SLC35F4: variants seen among roughly 807,000 people sequenced by gnomAD.
The protein encoded by SLC35F4 is chromosome 14 open reading frame 36.
In SLC35F4, 24 loss-of-function variants were observed where a neutral mutation model predicts 44.2. The observed-to-expected ratio is 0.54, with a 90% confidence interval of 0.39 to 0.76. The LOEUF is 0.76. Among genes scored for constraint, SLC35F4 ranks in the 30% least tolerant of loss-of-function variants. The probability of loss-of-function intolerance (pLI) is 0.00; values close to 1 mark genes in which losing one functional copy is unlikely to be tolerated. For synonymous variants in SLC35F4, 238 were observed against 223.6 expected (o/e 1.06, Z -0.57); for missense variants, 562 against 586.1 (o/e 0.96, Z 0.42).
At chr14:57,581,846 G>C (rs4901789) in intron 3 of SLC35F4, among the ~76,000 whole-genome samples, 38,752 of 152,182 alleles carry the variant, frequency 0.25, 5,788 homozygotes, top group Middle Eastern at 0.35. Flanking sequence ...CTAGAACCCG[G>C]AGGGAAAGGG....
intron 1 of SLC35F4, among the ~76,000 whole-genome samples, chr14:57,804,223 C>G (rs1479058251): frequency 6.6e-6 from 1 of 152,094 alleles, no homozygotes; most frequent in African/African-American, 2.4e-5. Flanking sequence ...CAATGTTATT[C>G]CCATTAAACT....
chr14:57,865,687 C>G (rs1428586475), intron 1 of SLC35F4, 36 bp downstream of exon 1: 1 of 1,496,112 alleles, frequency 6.7e-7, no homozygotes, highest in African/African-American at 1.4e-5. Flanking sequence ...CACCTCCCTT[C>G]CCCGCCTCGC....
chr14:57,641,126 A>C (rs896957208), intron 1 of SLC35F4, among the ~76,000 whole-genome samples: 1 of 147,624 alleles, frequency 6.8e-6, no homozygotes, highest in African/African-American at 2.5e-5. Context: ...CTTAGAGAGA[A>C]AGCAAAGATA....
At chr14:57,592,392 T>C (rs185096062) in intron 2 of SLC35F4, among the ~76,000 whole-genome samples, 129 of 152,372 alleles carry the variant, frequency 8.5e-4, no homozygotes, top group African/African-American at 3.0e-3. Context: ...TCTTTTCTTC[T>C]CTTTGGTGCA....
chr14:57,735,796 T>C (rs1053830269), intron 1 of SLC35F4, among the ~76,000 whole-genome samples: 2 of 151,954 alleles, frequency 1.3e-5, no homozygotes, highest in Admixed American at 6.6e-5. Context: ...AATCATAGCT[T>C]ACTGCAACCT....
intron 1 of SLC35F4, among the ~76,000 whole-genome samples, chr14:57,725,743 G>A (rs1318434917): frequency 2.0e-5 from 3 of 152,178 alleles, no homozygotes; most frequent in African/African-American, 7.2e-5. Flanking sequence ...TTGCAGGGCT[G>A]GGGCAAAGTT....
chr14:57,964,548 A>G (rs1046448547), intron 1 of SLC35F4, among the ~76,000 whole-genome samples: 1 of 152,208 alleles, frequency 6.6e-6, no homozygotes, highest in African/African-American at 2.4e-5. Context: ...GGCAGTCAAG[A>G]GATTAAAATG....
chr14:57,849,936 G>C (rs1055316098), intron 1 of SLC35F4, among the ~76,000 whole-genome samples: 2 of 152,144 alleles, frequency 1.3e-5, no homozygotes, highest in African/African-American at 4.8e-5. Context: ...CTTGGTAAAG[G>C]ATACACTGGT....
chr14:57,883,027 G>A (rs1316829286), intron 1 of SLC35F4, among the ~76,000 whole-genome samples: 2 of 147,050 alleles, frequency 1.4e-5, no homozygotes, highest in African/African-American at 5.4e-5. Flanking sequence ...GGAGAGGAGG[G>A]GAGGGGAGAA....
At chr14:57,672,153 G>A (rs1195728020) in intron 1 of SLC35F4, among the ~76,000 whole-genome samples, 3 of 151,934 alleles carry the variant, frequency 2.0e-5, no homozygotes, top group Admixed American at 6.6e-5. Flanking sequence ...GAGGTGGACC[G>A]AGTCACCTCA....
rs138218836 is a variant in SLC35F4 at position 57,794,624 on chromosome 14, T to C, written c.103+71099A>G. Among the ~76,000 whole-genome samples the C allele has an allele frequency of 1.2e-4, 19 of 152,268 alleles. No individual in the cohort carries two copies. In the East Asian group the frequency reaches 3.7e-3, roughly 29 times the overall value. On this transcript the variant is annotated intron_variant, in intron 1 of 7. Coordinates refer to ENST00000556826, the MANE Select transcript of SLC35F4 (RefSeq NM_001306087.2). The stretch of plus-strand genomic sequence containing the variant: ...TTTTATAGTAGCCTTGACTACTGAA[T>C]GGGTCTGTAGGCCCATTCTGTTCAT...
chr14:57,655,190 A>C (rs749625686), intron 1 of SLC35F4, among the ~76,000 whole-genome samples: 1 of 152,080 alleles, frequency 6.6e-6, no homozygotes, highest in Admixed American at 6.6e-5. Flanking sequence ...CACCCTACTC[A>C]GTCCTTCCTT....
At chr14:57,577,933 G>A (rs369800913) in intron 4 of SLC35F4, among the ~76,000 whole-genome samples, 44 of 152,282 alleles carry the variant, frequency 2.9e-4, no homozygotes, top group Non-Finnish European at 4.9e-4. Flanking sequence ...TAAATGGGCT[G>A]AAATGACTTC....
intron 1 of SLC35F4, among the ~76,000 whole-genome samples, chr14:57,920,442 A>T (rs1340481272): frequency 6.6e-6 from 1 of 152,132 alleles, no homozygotes; most frequent in African/African-American, 2.4e-5. Flanking sequence ...GCATGGTGAC[A>T]TGCCCCTGTA....
At chr14:57,713,916 C>A (rs977383210) in intron 1 of SLC35F4, among the ~76,000 whole-genome samples, 13 of 152,148 alleles carry the variant, frequency 8.5e-5, no homozygotes, top group Non-Finnish European at 1.3e-4. Flanking sequence ...TCCCCCACCC[C>A]CCATGGGTCA....
At chr14:57,582,170 A>AT (rs146224767) in intron 3 of SLC35F4, among the ~76,000 whole-genome samples, 1 of 151,280 alleles carries the variant, frequency 6.6e-6, no homozygotes, top group Non-Finnish European at 1.5e-5. Flanking sequence ...CCCAGGGGCC[A>AT]TTTTTTTCCT....
At chr14:57,855,980 G>A (rs1887042709) in intron 1 of SLC35F4, among the ~76,000 whole-genome samples, 1 of 151,698 alleles carries the variant, frequency 6.6e-6, no homozygotes, top group African/African-American at 2.4e-5. Context: ...ATAAGTGAGA[G>A]TTGAACAATG....
At chr14:57,727,607 T>G (rs1456270725) in intron 1 of SLC35F4, among the ~76,000 whole-genome samples, 1 of 152,220 alleles carries the variant, frequency 6.6e-6, no homozygotes, top group Non-Finnish European at 1.5e-5. Flanking sequence ...ATCATTTGTT[T>G]CAACACAATT....
chr14:57,649,751 T>A (rs534998591), intron 1 of SLC35F4, among the ~76,000 whole-genome samples: 6 of 152,232 alleles, frequency 3.9e-5, no homozygotes, highest in Non-Finnish European at 8.8e-5. Context: ...GCGAAATGAA[T>A]GAATATACCT....
Sources: allele counts gnomAD v4.1 joint callset (sites outside exome capture counted in the v4.1 genomes callset), GRCh38; gene constraint gnomAD v4.1.1; transcripts MANE v1.5; gene names NCBI Gene and HGNC (gene_info 2026-07-23, HGNC 2026-07-21).